RC3H1: variants seen among roughly 807,000 people sequenced by gnomAD.
The protein encoded by RC3H1 is roquin-1.
In RC3H1, 50 loss-of-function variants were observed where a neutral mutation model predicts 138.2. The observed-to-expected ratio is 0.36, with a 90% CI of 0.29 to 0.46. The LOEUF (loss-of-function observed/expected upper bound fraction) is 0.46, where lower values mean the gene tolerates loss of function less well. Ranked by LOEUF, RC3H1 falls within the 20% of genes least tolerant of loss-of-function variation. The pLI is 1.00. For missense variants in RC3H1, 1,031 were observed against 1,388.1 expected (o/e 0.74, Z 4.09); for synonymous variants, 462 against 489.1 (o/e 0.94, Z 0.73).
chr1:174,021,291 A>G (rs1053553500), intron 1 of RC3H1, among the ~76,000 whole-genome samples: 2 of 152,126 alleles, frequency 1.3e-5, no homozygotes, highest in African/African-American at 4.8e-5. Context: ...CCAGTTTCAT[A>G]GGCTATTCTG....
In RC3H1 at chr1:174,013,290, G is replaced by C. The variant is rs1661801325; in HGVS notation, c.-151+8806C>G. 1.3e-5 allele frequency among the ~76,000 whole-genome samples: 2 copies of C among 152,132 alleles called. 1 individual carries two copies. The highest frequency in any genetic ancestry group is 2.9e-5 in the Non-Finnish European group (2 of 67,972). On this transcript the variant is annotated intron_variant, in intron 1 of 19. Transcript: ENST00000367696. ...TGAGAGTGAATGGAAGTGGAGAATT[G>C]AACCTTGGGGGAATCATATATATCA... is the stretch of plus-strand genomic sequence containing the variant.
intron 17 of RC3H1, among the ~76,000 whole-genome samples, chr1:173,946,126 G>A (rs75005095): frequency 1.3e-5 from 2 of 151,680 alleles, no homozygotes; most frequent in Non-Finnish European, 1.5e-5. Flanking sequence ...TTGAGATCAC[G>A]CCACCTCACT....
rs1661713487 is a variant in RC3H1 at position 174,009,598 on chromosome 1, G to C, written c.-151+12498C>G. On this transcript the variant is annotated intron_variant, in intron 1 of 19. Transcript: ENST00000367696. ...TCATGTCTGTAATCCCGGCATTTTG[G>C]GAGGCCAAGGTGGGCAGATCACTTG... Among the ~76,000 whole-genome samples the C allele has an allele frequency of 2.0e-5, 3 of 152,096 alleles. 1 individual carries two copies. In the South Asian group the frequency reaches 6.2e-4, roughly 32 times the overall value.
chr1:173,957,517 A>G (rs1659698484), intron 13 of RC3H1, among the ~76,000 whole-genome samples: 2 of 152,290 alleles, frequency 1.3e-5, no homozygotes, highest in Non-Finnish European at 2.9e-5. Flanking sequence ...GTACTCTAAT[A>G]AAGAATTTTT....
At position 173,961,973 on chromosome 1, in the gene RC3H1, T is replaced by C. The variant is rs757167804; in HGVS notation, c.1954A>G (p.Asn652Asp). Reference sequence around the variant, plus strand: ...TGTGGCTGTGTGCCATACTGAGAGTTTACAACACGTTCTTGGAGGTAGGGT... The same window carrying C: ...TGTGGCTGTGTGCCATACTGAGAGTCTACAACACGTTCTTGGAGGTAGGGT... ...YPPYLQERVV[N>D]SQYGTQPQQY... Residue 652 changes from asparagine (N) to aspartate (D), a missense_variant, in exon 12 of 20, where the codon AAC (asparagine) becomes GAC (aspartate). This residue lies in a region of RC3H1 where 716 missense variants were observed against 837.9 expected (regional missense o/e 0.85). Coordinates refer to ENST00000367696, the MANE Select transcript of RC3H1 (RefSeq NM_172071.4). The C allele has an allele frequency of 6.2e-7, 1 of 1,614,050 alleles. No homozygotes were observed. The highest frequency in any genetic ancestry group is 8.5e-7 in the Non-Finnish European group (1 of 1,180,004).
intron 1 of RC3H1, among the ~76,000 whole-genome samples, chr1:173,998,774 A>G (rs1356388699): frequency 6.6e-6 from 1 of 152,174 alleles, no homozygotes; most frequent in Non-Finnish European, 1.5e-5. Flanking sequence ...TAACAAAGAA[A>G]TAAAGATCTT....
chr1:173,997,495 G>A lies in RC3H1; in HGVS notation c.-150-4360C>T, dbSNP rs116290472. Among the ~76,000 whole-genome samples, 249 of 152,128 alleles carry A rather than the reference G, an allele frequency of 1.6e-3. 1 individual carries two copies. Among genetic ancestry groups the A allele is most frequent in the African/African-American group, 5.7e-3 (237 of 41,474 alleles). On this transcript the variant is annotated intron_variant, in intron 1 of 19. Transcript: ENST00000367696. ...TTCAAAATTTAAGAACCTTAAAATA[G>A]TTTGTAACTTATCCCTTCAAAGAAT... is the stretch of plus-strand genomic sequence containing the variant.
At chr1:173,999,036 G>A (rs1256627727) in intron 1 of RC3H1, among the ~76,000 whole-genome samples, 6 of 151,926 alleles carry the variant, frequency 3.9e-5, no homozygotes, top group Admixed American at 2.6e-4. Flanking sequence ...CAAGGTTTCA[G>A]TGAGCTATGA....
At chr1:173,956,465 G>A (rs1368340346) in intron 13 of RC3H1, among the ~76,000 whole-genome samples, 1 of 151,948 alleles carries the variant, frequency 6.6e-6, no homozygotes, top group African/African-American at 2.4e-5. Context: ...TTTGAGACCA[G>A]CCTGATCAAC....
chr1:173,972,911 G>A (rs527613734), intron 7 of RC3H1, among the ~76,000 whole-genome samples: 4 of 152,336 alleles, frequency 2.6e-5, no homozygotes, highest in African/African-American at 9.6e-5. Context: ...TCAGTGTTGA[G>A]GAGACAACAA....
chr1:173,951,383 C>T (rs1659393640), intron 14 of RC3H1, among the ~76,000 whole-genome samples: 1 of 151,954 alleles, frequency 6.6e-6, no homozygotes, highest in East Asian at 1.9e-4. Context: ...ATTAGAAACA[C>T]TGGTGTTACA....
intron 6 of RC3H1, among the ~76,000 whole-genome samples, chr1:173,980,381 T>A (rs191598204): frequency 6.6e-6 from 1 of 151,868 alleles, no homozygotes; most frequent in Non-Finnish European, 1.5e-5. Flanking sequence ...TGGAAAAACA[T>A]ATTAACTTCC....
intron 7 of RC3H1, among the ~76,000 whole-genome samples, chr1:173,974,272 T>G (rs1660482316): frequency 2.1e-5 from 2 of 94,372 alleles, no homozygotes; most frequent in Non-Finnish European, 3.9e-5. Flanking sequence ...AGAGGGAGAC[T>G]GTCTCAAAAA....
intron 1 of RC3H1, among the ~76,000 whole-genome samples, chr1:173,994,686 A>C (rs1024451981): frequency 6.6e-6 from 1 of 151,384 alleles, no homozygotes; most frequent in African/African-American, 2.4e-5. Context: ...GCAACCCAGG[A>C]AGCTAAGGGC....
In RC3H1 at chr1:173,970,580, C is replaced by A; in HGVS notation, c.1259G>T (p.Arg420Leu). ...QHSKYKTYMCRDMKQRGGCPR... is the reference protein window; with the variant it reads ...QHSKYKTYMCLDMKQRGGCPR... The stretch of plus-strand genomic sequence containing the variant: ...GCATCCTCCTCTCTGCTTCATATCT[C>A]GACACATGTATGTTTTGTATTTGCT... The change falls in exon 9 of 20, where the codon CGA (arginine) becomes CTA (leucine). Residue 420 changes from arginine (R) to leucine (L), a missense_variant. Arg to Leu is a moderately radical substitution (Grantham distance 102, BLOSUM62 -2). Around this residue, in one of 7 missense-constraint regions of RC3H1, gnomAD observed 142 missense variants for 224.6 expected, o/e 0.63. Transcript: ENST00000367696. The A allele has an allele frequency of 6.2e-7, 1 of 1,613,830 alleles. No individual in the cohort carries two copies.
At chr1:173,983,767 T>C (rs1297162563) in intron 3 of RC3H1, 110 bp from the exon 4 acceptor site, 3 of 1,029,608 alleles carry the variant, frequency 2.9e-6, no homozygotes, top group African/African-American at 1.6e-5. Flanking sequence ...CTGGGACTAC[T>C]AGAGTATTTA....
In RC3H1 at chr1:174,017,810, A is replaced by C. The variant is rs1337426930; in HGVS notation, c.-151+4286T>G. Reference sequence around the variant, plus strand: ...AAAAAAAAAAAAAAAAAAAAAAAAAACTGCTACCATGTTCAAATGCTATTT... The same window carrying C: ...AAAAAAAAAAAAAAAAAAAAAAAAACCTGCTACCATGTTCAAATGCTATTT... On this transcript the variant is annotated intron_variant, in intron 1 of 19. Transcript: ENST00000367696. Among the ~76,000 whole-genome samples, 9 of 146,124 alleles carry C rather than the reference A, an allele frequency of 6.2e-5. No individual in the cohort carries two copies. In the East Asian group the frequency reaches 8.0e-4, roughly 13 times the overall value.
chr1:173,943,703 G>T, intron 17 of RC3H1, 88 bp from the exon 18 acceptor site: 1 of 1,316,950 alleles, frequency 7.6e-7, no homozygotes, highest in Non-Finnish European at 1.0e-6. Context: ...CCACAGCCTT[G>T]AGTAGCTTAT....
intron 2 of RC3H1, 50 bp downstream of exon 2, chr1:173,992,705 G>C (rs368010602): frequency 1.2e-4 from 150 of 1,267,386 alleles, no homozygotes; most frequent in Middle Eastern, 3.7e-4. Context: ...CACACAGAGA[G>C]AGAGAGAGAG....
Sources: gnomAD v4.1 joint callset for allele counts (sites outside exome capture counted in the v4.1 genomes callset) on GRCh38, gnomAD v4.1.1 for gene constraint, gnomAD v4.1.1 regional missense constraint, MANE v1.5 for transcripts, NCBI Gene and HGNC (gene_info 2026-07-23, HGNC 2026-07-21) for gene names.